SPOCK3: variants seen among roughly 807,000 people sequenced by gnomAD.
SPOCK3 encodes SPARC (osteonectin), cwcv and kazal like domains proteoglycan 3.
Under a neutral mutation model 56.6 loss-of-function variants are expected in SPOCK3, and 30 were observed. That is an observed-to-expected ratio of 0.53 (90% CI 0.40 to 0.72). The LOEUF is 0.72. SPOCK3 is among the 30% of genes least tolerant of loss of function. The pLI is 0.00. For missense variants in SPOCK3, 527 were observed against 530.0 expected (o/e 0.99, Z 0.06); for synonymous variants, 196 against 183.3 (o/e 1.07, Z -0.56).
intron 2 of SPOCK3, among the ~76,000 whole-genome samples, chr4:167,146,508 A>T (rs1278004284): frequency 2.0e-5 from 3 of 152,166 alleles, no homozygotes; most frequent in African/African-American, 7.2e-5. Flanking sequence ...CAGAATATAC[A>T]TTCTTCTCAG....
chr4:166,828,648 A>G (rs888349942), intron 6 of SPOCK3, among the ~76,000 whole-genome samples: 1 of 152,058 alleles, frequency 6.6e-6, no homozygotes. Flanking sequence ...TTGTGGTGGT[A>G]GGAAAATGAT....
At chr4:166,769,033 TC>T (rs1738543223) in intron 7 of SPOCK3, among the ~76,000 whole-genome samples, 1 of 152,214 alleles carries the variant, frequency 6.6e-6, no homozygotes, top group Non-Finnish European at 1.5e-5. Context: ...GGTTTTCAGC[TC>T]TATCAGGTGA....
intron 6 of SPOCK3, among the ~76,000 whole-genome samples, chr4:166,875,203 TAAG>T (rs1442941072): frequency 2.6e-5 from 4 of 152,110 alleles, no homozygotes; most frequent in South Asian, 2.1e-4. Flanking sequence ...ATTTAAAAAA[TAAG>T]AAGCTGAAAC....
intron 5 of SPOCK3, among the ~76,000 whole-genome samples, chr4:166,910,141 T>A (rs762274743): frequency 1.4e-4 from 21 of 152,132 alleles, no homozygotes; most frequent in Non-Finnish European, 2.4e-4. Flanking sequence ...TATAGCTCAG[T>A]CTCATTGCTG....
intron 7 of SPOCK3, among the ~76,000 whole-genome samples, chr4:166,763,133 G>T (rs199595857): frequency 1.4e-5 from 2 of 145,512 alleles, no homozygotes. Context: ...GCATCAAAAA[G>T]AAAAAAAAAA....
intron 2 of SPOCK3, among the ~76,000 whole-genome samples, chr4:167,218,689 A>T (rs1266283807): frequency 1.3e-5 from 2 of 152,178 alleles, no homozygotes; most frequent in African/African-American, 4.8e-5. Flanking sequence ...TATCTGAATT[A>T]AACATGTCAT....
At chr4:167,063,154 A>G (rs1270756615) in intron 2 of SPOCK3, among the ~76,000 whole-genome samples, 1 of 151,878 alleles carries the variant, frequency 6.6e-6, no homozygotes, top group Admixed American at 6.6e-5. Flanking sequence ...CTAAAGTTTA[A>G]TTCTTTAATA....
At position 167,205,372 on chromosome 4, in the gene SPOCK3, A is replaced by ATATAT. The variant is rs1561321739; in HGVS notation, c.189+28608_189+28612dup. 1.4e-3 allele frequency among the ~76,000 whole-genome samples: 50 copies of ATATAT among 35,110 alleles called. 1 individual carries two copies. Among genetic ancestry groups the ATATAT allele is most frequent in the African/African-American group, 8.7e-3 (47 of 5,424 alleles). The allele number at this position is 35,110 out of a possible 152,430, so 23.0% of individuals were successfully genotyped here. A position where few individuals can be genotyped will look rare whatever the true frequency, so the allele number is the denominator to read the frequency against. ...ATATAATATATATATTATATATTTT[A>ATATAT]TATATATAATATATATATTTTATAT... On this transcript the variant is annotated intron_variant, in intron 2 of 10. Coordinates refer to ENST00000357545, the MANE Select transcript of SPOCK3 (RefSeq NM_001040159.2).
At chr4:166,784,010 A>G (rs901043559) in intron 7 of SPOCK3, among the ~76,000 whole-genome samples, 4 of 152,088 alleles carry the variant, frequency 2.6e-5, no homozygotes, top group Non-Finnish European at 4.4e-5. Context: ...AGGTTCCGAT[A>G]GTTCAGATGA....
intron 2 of SPOCK3, among the ~76,000 whole-genome samples, chr4:167,198,205 T>C (rs1460811952): frequency 6.6e-6 from 1 of 152,110 alleles, no homozygotes; most frequent in African/African-American, 2.4e-5. Flanking sequence ...ATGAGATCCA[T>C]TTGGTGTTAT....
chr4:166,969,575 T>G (rs890090565), intron 4 of SPOCK3, among the ~76,000 whole-genome samples: 1 of 148,976 alleles, frequency 6.7e-6, no homozygotes, highest in Non-Finnish European at 1.5e-5. Context: ...CACTTCCCCC[T>G]TAATTCTCTC....
intron 2 of SPOCK3, among the ~76,000 whole-genome samples, chr4:167,126,313 C>G (rs1221005453): frequency 6.6e-6 from 1 of 152,058 alleles, no homozygotes; most frequent in Admixed American, 6.5e-5. Flanking sequence ...TTTGGGAGGC[C>G]AAGGTGGGTG....
chr4:167,181,445 C>A (rs1731445783), intron 2 of SPOCK3, among the ~76,000 whole-genome samples: 1 of 152,178 alleles, frequency 6.6e-6, no homozygotes, highest in African/African-American at 2.4e-5. Context: ...TTGTTCTATT[C>A]TCCAGATAAT....
At chr4:166,980,413 A>T (rs1297326497) in intron 4 of SPOCK3, among the ~76,000 whole-genome samples, 1 of 152,228 alleles carries the variant, frequency 6.6e-6, no homozygotes, top group African/African-American at 2.4e-5. Context: ...GTGTCACAGG[A>T]TCCTTTGGGT....
chr4:167,112,068 ACTTTTAAGAAG>A (rs1436644811), intron 2 of SPOCK3, among the ~76,000 whole-genome samples: 3 of 152,128 alleles, frequency 2.0e-5, no homozygotes, highest in Non-Finnish European at 4.4e-5. Context: ...CCTCGAAGTA[ACTTTTAAGAAG>A]CTTTAGTTTG....
intron 2 of SPOCK3, among the ~76,000 whole-genome samples, chr4:167,225,549 A>G (rs1269685367): frequency 4.6e-5 from 7 of 152,106 alleles, no homozygotes; most frequent in Non-Finnish European, 1.0e-4. Flanking sequence ...TGTGTAACAT[A>G]TTAAGCAAAA....
At chr4:166,960,006 C>G (rs1743968848) in intron 4 of SPOCK3, among the ~76,000 whole-genome samples, 1 of 152,008 alleles carries the variant, frequency 6.6e-6, no homozygotes, top group Non-Finnish European at 1.5e-5. Flanking sequence ...ATTTTTGGAG[C>G]TATTTCATAA....
chr4:166,929,991 T>C (rs538643091), intron 4 of SPOCK3, among the ~76,000 whole-genome samples: 82 of 152,266 alleles, frequency 5.4e-4, no homozygotes, highest in Non-Finnish European at 9.6e-4. Context: ...AAAAATGACA[T>C]ACTTAAAGTT....
At chr4:167,103,081 T>A (rs904562668) in intron 2 of SPOCK3, among the ~76,000 whole-genome samples, 3 of 151,630 alleles carry the variant, frequency 2.0e-5, no homozygotes, top group African/African-American at 7.3e-5. Context: ...AGATAACACA[T>A]CAGGGAACAC....
Sources: gnomAD v4.1 joint callset for allele counts (sites outside exome capture counted in the v4.1 genomes callset) on GRCh38, gnomAD v4.1.1 for gene constraint, MANE v1.5 for transcripts, NCBI Gene and HGNC (gene_info 2026-07-23, HGNC 2026-07-21) for gene names.